TMEFF1: variants seen among roughly 807,000 people sequenced by gnomAD.
TMEFF1 encodes transmembrane protein with EGF like and two follistatin like domains 1.
TMEFF1 carries 20 observed loss-of-function variants against 47.5 expected under a neutral mutation model. That is an observed-to-expected ratio of 0.42 (90% CI 0.30 to 0.61). TMEFF1 has a LOEUF of 0.61. Ranked by LOEUF, TMEFF1 falls within the 20% of genes least tolerant of loss-of-function variation. The pLI is 0.19. For synonymous variants in TMEFF1, 162 were observed against 166.3 expected, an observed-to-expected ratio of 0.97 and a Z score of 0.20; for missense variants, 411 against 471.1, an observed-to-expected ratio of 0.87 and a Z score of 1.18.
intron 2 of TMEFF1, among the ~76,000 whole-genome samples, chr9:100,505,383 AC>A (rs1837837704): frequency 7.0e-6 from 1 of 142,818 alleles, no homozygotes; most frequent in Non-Finnish European, 1.5e-5. Context: ...CTGCACTCCA[AC>A]CTGGCGACAG....
At chr9:100,553,472 A>G (rs555626711) in intron 7 of TMEFF1, among the ~76,000 whole-genome samples, 1 of 152,348 alleles carries the variant, frequency 6.6e-6, no homozygotes, top group Non-Finnish European at 1.5e-5. Flanking sequence ...GAAAGATTGG[A>G]AGATAGTGCT....
chr9:100,550,268 A>G (rs764816619), intron 7 of TMEFF1, 108 bp downstream of exon 7: 46 of 1,042,038 alleles, frequency 4.4e-5, no homozygotes, highest in Middle Eastern at 2.1e-4. Flanking sequence ...TTTGCTCTCT[A>G]TAGTAATATA....
intron 5 of TMEFF1, among the ~76,000 whole-genome samples, chr9:100,530,183 A>G (rs1838349408): frequency 6.6e-6 from 1 of 151,910 alleles, no homozygotes. Flanking sequence ...AATTAAAAGA[A>G]CTAGAAAAGC....
chr9:100,555,400 A>G (rs561591775), intron 7 of TMEFF1, among the ~76,000 whole-genome samples: 7 of 152,222 alleles, frequency 4.6e-5, no homozygotes, highest in Admixed American at 2.6e-4. Context: ...GAAGTTGGCT[A>G]ATTTACTTGG....
At position 100,473,953 on chromosome 9, in the gene TMEFF1, G is replaced by A. The variant is rs1276304393; in HGVS notation, c.196+213G>A. On this transcript the variant is annotated intron_variant, in intron 1 of 9. Coordinates refer to ENST00000374879, the MANE Select transcript of TMEFF1 (RefSeq NM_003692.5). The surrounding 1 kb of genome is among the most constrained non-coding windows in gnomAD (Gnocchi z 5.4). The stretch of plus-strand genomic sequence containing the variant: ...GGAGTGGCCGTGGGTGCGTCCGAGT[G>A]TGTCGAGTGGCTGGGCGAGGGCGGC... Among the ~76,000 whole-genome samples the A allele has an allele frequency of 2.0e-5, 3 of 151,956 alleles. No individual in the cohort carries two copies. Among genetic ancestry groups the A allele is most frequent in the African/African-American group, 7.2e-5 (3 of 41,396 alleles).
chr9:100,561,020 C>T (rs2118546513), intron 7 of TMEFF1, among the ~76,000 whole-genome samples: 1 of 152,254 alleles, frequency 6.6e-6, no homozygotes, highest in East Asian at 1.9e-4. Context: ...AAGTTCATTC[C>T]CCAAAAGCCA....
At chr9:100,483,095 C>T (rs556551604) in intron 1 of TMEFF1, among the ~76,000 whole-genome samples, 1 of 152,110 alleles carries the variant, frequency 6.6e-6, no homozygotes, top group African/African-American at 2.4e-5. Context: ...TAAAATTTCT[C>T]TCATTGTTGT....
At chr9:100,492,546 T>C (rs1194067417) in intron 1 of TMEFF1, among the ~76,000 whole-genome samples, 4 of 152,170 alleles carry the variant, frequency 2.6e-5, no homozygotes, top group Admixed American at 2.6e-4. Context: ...GTAGGTTTTA[T>C]AGAGAATGAC....
chr9:100,513,393 CTTTTTTTT>C (rs376847862), intron 4 of TMEFF1, 60 bp downstream of exon 4: 185 of 1,234,152 alleles, frequency 1.5e-4, no homozygotes, highest in Non-Finnish European at 1.9e-4. Context: ...CTTTCTTTTT[CTTTTTTTT>C]TTTTTTTTTA....
At chr9:100,536,360 G>T (rs1053411629) in intron 5 of TMEFF1, among the ~76,000 whole-genome samples, 3 of 152,154 alleles carry the variant, frequency 2.0e-5, no homozygotes, top group Admixed American at 1.3e-4. Flanking sequence ...GTTATTGCAT[G>T]ATTTTTTCTC....
chr9:100,547,032 T>G (rs1241923453), intron 5 of TMEFF1, among the ~76,000 whole-genome samples: 4 of 152,184 alleles, frequency 2.6e-5, no homozygotes, highest in Admixed American at 2.6e-4. Context: ...ATTTATTTAT[T>G]TAAGACAGGG....
At chr9:100,517,625 G>C (rs948711856) in intron 5 of TMEFF1, among the ~76,000 whole-genome samples, 24 of 152,070 alleles carry the variant, frequency 1.6e-4, no homozygotes, top group Non-Finnish European at 2.1e-4. Flanking sequence ...TAATTTATTT[G>C]GTGCATATTT....
chr9:100,546,983 A>G (rs919622665), intron 5 of TMEFF1, among the ~76,000 whole-genome samples: 6 of 152,178 alleles, frequency 3.9e-5, no homozygotes, highest in Middle Eastern at 3.4e-3. Context: ...CATGTCTATT[A>G]TATTTTTTAA....
At chr9:100,498,302 AATG>A (rs1195339016) in intron 1 of TMEFF1, among the ~76,000 whole-genome samples, 1 of 152,220 alleles carries the variant, frequency 6.6e-6, no homozygotes, top group African/African-American at 2.4e-5. Flanking sequence ...TAGAATGAAT[AATG>A]ATCACCCAAA....
At chr9:100,549,941 A>G (rs1334076084) in intron 6 of TMEFF1, among the ~76,000 whole-genome samples, 154 bp from the exon 7 acceptor site, 1 of 152,226 alleles carries the variant, frequency 6.6e-6, no homozygotes, top group Non-Finnish European at 1.5e-5. Flanking sequence ...TAAGACAGAA[A>G]TGACATAATT....
At chr9:100,562,731 C>A (rs1019179480) in intron 8 of TMEFF1, among the ~76,000 whole-genome samples, 18 of 152,042 alleles carry the variant, frequency 1.2e-4, no homozygotes, top group Admixed American at 5.9e-4. Context: ...TCTTGGCTCA[C>A]TGCAACCTCG....
intron 4 of TMEFF1, among the ~76,000 whole-genome samples, chr9:100,514,031 A>G (rs940092160): frequency 2.6e-5 from 4 of 152,220 alleles, no homozygotes; most frequent in Non-Finnish European, 5.9e-5. Context: ...TGACTAATCT[A>G]TATCATAGTC....
At chr9:100,545,608 T>C (rs1373709290) in intron 5 of TMEFF1, among the ~76,000 whole-genome samples, 4 of 152,252 alleles carry the variant, frequency 2.6e-5, no homozygotes, top group Non-Finnish European at 5.9e-5. Flanking sequence ...ATTCGACTGC[T>C]TGTAACTTAT....
At position 100,576,614 on chromosome 9, in the gene TMEFF1, A is replaced by G. The variant is rs982162602; in HGVS notation, c.*14A>G. ...AGAATGGTTTAAACTGATGACTTTTATATGTACACTGACCATGTGATGTAC... is the reference window on the plus strand; with the variant it reads ...AGAATGGTTTAAACTGATGACTTTTGTATGTACACTGACCATGTGATGTAC... On this transcript the variant is annotated 3_prime_UTR_variant, in exon 10 of 10. Coordinates refer to ENST00000374879, the MANE Select transcript of TMEFF1 (RefSeq NM_003692.5). 1.1e-5 allele frequency: 18 copies of G among 1,602,216 alleles called. No individual in the cohort carries two copies. Among genetic ancestry groups the G allele is most frequent in the East Asian group, 6.7e-5 (3 of 44,754 alleles).
Sources: allele counts gnomAD v4.1 joint callset (sites outside exome capture counted in the v4.1 genomes callset), GRCh38; gene constraint gnomAD v4.1.1; non-coding constraint Gnocchi (gnomAD v3.1); transcripts MANE v1.5; gene names NCBI Gene and HGNC (gene_info 2026-07-23, HGNC 2026-07-21).